SNTG1: variants seen among roughly 807,000 people sequenced by gnomAD.
SNTG1 encodes syntrophin gamma 1, also known as gamma-1-syntrophin.
In SNTG1, 39 loss-of-function variants were observed where a neutral mutation model predicts 74.7. The ratio of observed to expected loss-of-function variants is 0.52; its 90% CI spans 0.40 to 0.68. The LOEUF (loss-of-function observed/expected upper bound fraction) is 0.68, where lower values mean the gene tolerates loss of function less well. SNTG1 is among the 30% of genes least tolerant of loss of function. SNTG1 has a pLI of 0.00. For synonymous variants in SNTG1, 254 were observed against 217.1 expected (o/e 1.17, Z -1.49); for missense variants, 685 against 609.5 (o/e 1.12, Z -1.30).
intron 1 of SNTG1, among the ~76,000 whole-genome samples, chr8:49,980,580 A>G (rs1812588489): frequency 6.8e-6 from 1 of 147,342 alleles, no homozygotes; most frequent in Non-Finnish European, 1.5e-5. Flanking sequence ...CTCCCAGGGC[A>G]CAGCTTTGCT....
At chr8:50,293,774 G>A (rs1057178995) in intron 2 of SNTG1, among the ~76,000 whole-genome samples, 14 of 151,988 alleles carry the variant, frequency 9.2e-5, no homozygotes, top group Non-Finnish European at 4.4e-5. Flanking sequence ...CATATCTGTA[G>A]TACAGGGGTT....
intron 1 of SNTG1, among the ~76,000 whole-genome samples, chr8:49,965,549 C>A (rs149808953): frequency 1.3e-5 from 2 of 152,254 alleles, no homozygotes; most frequent in Admixed American, 6.5e-5. Context: ...GCTCTGGACA[C>A]CAGGACAATA....
At chr8:50,327,392 T>C (rs909882227) in intron 2 of SNTG1, among the ~76,000 whole-genome samples, 2 of 152,176 alleles carry the variant, frequency 1.3e-5, no homozygotes, top group Non-Finnish European at 2.9e-5. Flanking sequence ...TTTAGAGAGC[T>C]AATCCCTTTA....
intron 9 of SNTG1, among the ~76,000 whole-genome samples, chr8:50,515,490 A>G: frequency 6.9e-6 from 1 of 145,500 alleles, no homozygotes; most frequent in East Asian, 2.1e-4. Flanking sequence ...GAAGCCAAGG[A>G]GCCAAATGGT....
At chr8:50,341,547 G>A (rs1182352341) in intron 2 of SNTG1, among the ~76,000 whole-genome samples, 1 of 151,842 alleles carries the variant, frequency 6.6e-6, no homozygotes. Flanking sequence ...ATGAAATTAG[G>A]GGAAGATTGA....
chr8:50,426,621 G>A (rs1055069873), intron 4 of SNTG1, among the ~76,000 whole-genome samples: 1 of 151,498 alleles, frequency 6.6e-6, no homozygotes, highest in African/African-American at 2.4e-5. Flanking sequence ...GTTACAATAG[G>A]CTAAAGTTAA....
At chr8:50,166,905 A>T (rs1049291349) in intron 1 of SNTG1, among the ~76,000 whole-genome samples, 20 of 151,108 alleles carry the variant, frequency 1.3e-4, no homozygotes, top group Non-Finnish European at 2.5e-4. Flanking sequence ...GGATTAAGAA[A>T]ATGTGGCAAA....
intron 12 of SNTG1, among the ~76,000 whole-genome samples, chr8:50,583,645 G>A (rs1383489987): frequency 2.0e-5 from 3 of 151,460 alleles, no homozygotes; most frequent in Admixed American, 2.0e-4. Flanking sequence ...TTTTTTGCTG[G>A]AAGTCTCTAT....
intron 4 of SNTG1, among the ~76,000 whole-genome samples, chr8:50,436,957 A>C (rs1288382025): frequency 6.6e-6 from 1 of 152,166 alleles, no homozygotes. Flanking sequence ...GTAATGCAAC[A>C]AACAGTATGC....
At position 50,040,336 on chromosome 8, in the gene SNTG1, GAC is replaced by G. The variant is rs766578215; in HGVS notation, c.-103+128109_-103+128110del. ...GTAAAAAAAATTTAGAAATAAATGA[GAC>G]ACAGACTTTTTGTTATAAAACTTAT... On this transcript the variant is annotated intron_variant, in intron 1 of 18. Coordinates refer to ENST00000642720, the MANE Select transcript of SNTG1 (RefSeq NM_018967.5). 1.6e-3 allele frequency among the ~76,000 whole-genome samples: 244 copies of G among 152,228 alleles called. 1 individual carries two copies. The highest frequency in any genetic ancestry group is 4.1e-3 in the Admixed American group (63 of 15,292).
intron 1 of SNTG1, among the ~76,000 whole-genome samples, chr8:50,103,451 A>G (rs2080230512): frequency 6.6e-6 from 1 of 152,176 alleles, no homozygotes; most frequent in African/African-American, 2.4e-5. Context: ...CAGCTTAAGG[A>G]GATTTTGGGC....
At chr8:50,778,491 T>G (rs2095648030) in intron 18 of SNTG1, among the ~76,000 whole-genome samples, 1 of 152,046 alleles carries the variant, frequency 6.6e-6, no homozygotes, top group Non-Finnish European at 1.5e-5. Context: ...TTTGGCTGCA[T>G]AAATGTCTTC....
chr8:50,750,205 A>G (rs72645827), intron 17 of SNTG1, among the ~76,000 whole-genome samples: 16,515 of 152,066 alleles, frequency 0.11, 1,070 homozygotes, highest in African/African-American at 0.17. Flanking sequence ...TGCAAATGCC[A>G]TGGAAATAAC....
At chr8:50,715,031 T>A (rs1314232156) in intron 17 of SNTG1, among the ~76,000 whole-genome samples, 1 of 152,206 alleles carries the variant, frequency 6.6e-6, no homozygotes, top group Non-Finnish European at 1.5e-5. Context: ...CAAAATTCCA[T>A]GATTCTAAAA....
At chr8:50,058,127 T>C (rs940095221) in intron 1 of SNTG1, among the ~76,000 whole-genome samples, 6 of 152,102 alleles carry the variant, frequency 3.9e-5, no homozygotes, top group African/African-American at 1.4e-4. Context: ...AAAGCCACTT[T>C]TTAAAATTTG....
chr8:50,687,733 C>G (rs2095358942), intron 15 of SNTG1, among the ~76,000 whole-genome samples: 1 of 152,194 alleles, frequency 6.6e-6, no homozygotes, highest in South Asian at 2.1e-4. Flanking sequence ...CGCCCCACCC[C>G]ACAACAGTCC....
chr8:50,309,625 G>A (rs975723526), intron 2 of SNTG1, among the ~76,000 whole-genome samples: 22 of 152,252 alleles, frequency 1.4e-4, no homozygotes, highest in African/African-American at 5.1e-4. Context: ...CTACAGAAGA[G>A]GCAGGTAACA....
chr8:50,593,857 A>G (rs2094709170), intron 13 of SNTG1, among the ~76,000 whole-genome samples: 1 of 151,764 alleles, frequency 6.6e-6, no homozygotes, highest in African/African-American at 2.4e-5. Flanking sequence ...AGCTGGGATT[A>G]CAGGCATGCA....
chr8:50,249,840 T>A (rs2086567851), intron 2 of SNTG1, among the ~76,000 whole-genome samples: 1 of 152,146 alleles, frequency 6.6e-6, no homozygotes, highest in Admixed American at 6.6e-5. Flanking sequence ...CTATGAAAGT[T>A]ATTCCATAAA....
Sources: gnomAD v4.1 joint callset for allele counts (sites outside exome capture counted in the v4.1 genomes callset) on GRCh38, gnomAD v4.1.1 for gene constraint, MANE v1.5 for transcripts, NCBI Gene and HGNC (gene_info 2026-07-23, HGNC 2026-07-21) for gene names.